DCLK1: variants seen among roughly 807,000 people sequenced by gnomAD.
DCLK1 encodes doublecortin like kinase 1.
DCLK1 carries 16 observed loss-of-function variants against 86.2 expected under a neutral mutation model. The observed-to-expected ratio is 0.19, with a 90% CI of 0.13 to 0.28. DCLK1 has a LOEUF of 0.28. DCLK1 is among the 10% of genes least tolerant of loss of function. DCLK1 has a pLI of 1.00. For synonymous variants in DCLK1, 369 were observed against 370.5 expected (o/e 1.00, Z 0.05); for missense variants, 590 against 940.2 (o/e 0.63, Z 4.87).
chr13:36,044,222 C>T (rs1412595413), intron 3 of DCLK1, among the ~76,000 whole-genome samples: 1 of 152,226 alleles, frequency 6.6e-6, no homozygotes, highest in African/African-American at 2.4e-5. Context: ...TCACCTGAAG[C>T]AGATGCTGCT....
chr13:35,907,914 A>T (rs1874777278), intron 4 of DCLK1, among the ~76,000 whole-genome samples: 1 of 151,654 alleles, frequency 6.6e-6, no homozygotes, highest in South Asian at 2.1e-4. Context: ...TTTCAGAATA[A>T]ATGTAATTAT....
chr13:35,800,994 G>A (rs1489991590), intron 15 of DCLK1, among the ~76,000 whole-genome samples: 1 of 151,982 alleles, frequency 6.6e-6, no homozygotes, highest in East Asian at 1.9e-4. Context: ...AGAGTGCTGG[G>A]GTTACAGGCA....
chr13:35,783,760 AT>A, intron 16 of DCLK1, among the ~76,000 whole-genome samples: 1 of 151,748 alleles, frequency 6.6e-6, no homozygotes, highest in African/African-American at 2.4e-5. Context: ...AATTTTTTGT[AT>A]TTTTAGTAGA....
intron 10 of DCLK1, among the ~76,000 whole-genome samples, chr13:35,826,540 A>AGGAAGGGAGGAAGGAAGG (rs1382422000): frequency 1.1e-5 from 1 of 92,794 alleles, no homozygotes; most frequent in African/African-American, 3.2e-5. Flanking sequence ...AAAAAAAAAA[A>AGGAAGGGAGGAAGGAAGG]AAGAAAGAAA....
At chr13:35,803,922 T>C (rs2086973431) in intron 15 of DCLK1, among the ~76,000 whole-genome samples, 1 of 152,172 alleles carries the variant, frequency 6.6e-6, no homozygotes, top group African/African-American at 2.4e-5. Context: ...CTGTCTTCTA[T>C]TCTGGCAGTA....
intron 5 of DCLK1, chr13:35,869,208 T>C: frequency 2.2e-6 from 1 of 454,796 alleles, no homozygotes; most frequent in Non-Finnish European, 4.4e-6. Flanking sequence ...CCAGGGGAGT[T>C]TTCCATGCAG....
At chr13:36,069,831 C>G (rs1285119654) in intron 3 of DCLK1, among the ~76,000 whole-genome samples, 1 of 152,180 alleles carries the variant, frequency 6.6e-6, no homozygotes, top group Non-Finnish European at 1.5e-5. Context: ...TGCATATAAT[C>G]TAAACATTTT....
chr13:35,848,212 C>T (rs763771360), intron 6 of DCLK1: 22 of 985,034 alleles, frequency 2.2e-5, no homozygotes, highest in Admixed American at 1.2e-4. Context: ...AATTCATTGC[C>T]GAATTTTTTT....
At chr13:35,924,973 G>A (rs541478698) in intron 4 of DCLK1, among the ~76,000 whole-genome samples, 29 of 152,278 alleles carry the variant, frequency 1.9e-4, no homozygotes, top group African/African-American at 7.0e-4. Flanking sequence ...GCCCAAGAAG[G>A]CTAAAATATG....
At chr13:35,991,726 CTT>C (rs1259499818) in intron 3 of DCLK1, among the ~76,000 whole-genome samples, 2 of 152,254 alleles carry the variant, frequency 1.3e-5, no homozygotes, top group East Asian at 1.9e-4. Context: ...TAAACTATCT[CTT>C]GTTATAGGGG....
chr13:35,796,715 ACT>A (rs1419826863), intron 15 of DCLK1, among the ~76,000 whole-genome samples: 1 of 152,026 alleles, frequency 6.6e-6, no homozygotes, highest in Non-Finnish European at 1.5e-5. Flanking sequence ...CAGGCCTGAA[ACT>A]CTGTTCTTTT....
intron 4 of DCLK1, among the ~76,000 whole-genome samples, chr13:35,886,792 T>C (rs1873294259): frequency 6.6e-6 from 1 of 152,178 alleles, no homozygotes. Context: ...TTTTCACTGC[T>C]CCAGAGAAAA....
intron 4 of DCLK1, among the ~76,000 whole-genome samples, chr13:35,938,417 C>G (rs1317655897): frequency 2.0e-5 from 3 of 152,134 alleles, no homozygotes; most frequent in Non-Finnish European, 2.9e-5. Flanking sequence ...ATCACGAGGT[C>G]AGGAGATGGA....
chr13:36,046,908 C>G (rs1882936348), intron 3 of DCLK1, among the ~76,000 whole-genome samples: 2 of 152,190 alleles, frequency 1.3e-5, no homozygotes, highest in Admixed American at 6.5e-5. Context: ...TCCTGGGCAG[C>G]TGAACTTCAT....
At chr13:36,055,846 CTT>C (rs1436478155) in intron 3 of DCLK1, among the ~76,000 whole-genome samples, 1 of 152,106 alleles carries the variant, frequency 6.6e-6, no homozygotes, top group Non-Finnish European at 1.5e-5. Flanking sequence ...AAGGCATAAA[CTT>C]TTAAAAATTA....
At chr13:35,829,522 T>C (rs898429796) in intron 8 of DCLK1, among the ~76,000 whole-genome samples, 2 of 152,182 alleles carry the variant, frequency 1.3e-5, no homozygotes, top group Non-Finnish European at 2.9e-5. Flanking sequence ...TTCCTGGTTA[T>C]ATGGTTACAG....
At chr13:35,995,574 G>A (rs1369843425) in intron 3 of DCLK1, among the ~76,000 whole-genome samples, 3 of 152,142 alleles carry the variant, frequency 2.0e-5, no homozygotes, top group Admixed American at 2.0e-4. Flanking sequence ...CAATCTGGGA[G>A]GCTCTTCAGT....
chr13:35,836,663 G>T (rs543116921), intron 7 of DCLK1, among the ~76,000 whole-genome samples: 1 of 152,252 alleles, frequency 6.6e-6, no homozygotes, highest in East Asian at 1.9e-4. Flanking sequence ...ATGGCCACCC[G>T]TCCTCGGTAT....
chr13:36,045,356 A>ATC lies in DCLK1; in HGVS notation c.723+66512_723+66513insGA, dbSNP rs1407830137. On this transcript the variant is annotated intron_variant, in intron 3 of 16. Coordinates refer to ENST00000360631, the MANE Select transcript of DCLK1 (RefSeq NM_001330071.2). ...TGTATATATATATATATATATATATATATATATATATATATATATATTTCA... is the reference window on the plus strand; with the variant it reads ...TGTATATATATATATATATATATATATCTATATATATATATATATATATTTCA... Among the ~76,000 whole-genome samples, 25 of 127,906 alleles carry ATC rather than the reference A, an allele frequency of 2.0e-4. 1 individual carries two copies. In the East Asian group the frequency reaches 4.9e-3, roughly 25 times the overall value. 83.9% of individuals were successfully genotyped at this position (127,906 alleles called of 152,430 possible).
Sources: gnomAD v4.1 joint callset for allele counts (sites outside exome capture counted in the v4.1 genomes callset) on GRCh38, gnomAD v4.1.1 for gene constraint, MANE v1.5 for transcripts, NCBI Gene and HGNC (gene_info 2026-07-23, HGNC 2026-07-21) for gene names.